The following USH2A variants were observed in gnomAD, a reference collection of about 807,000 sequenced individuals.
USH2A encodes the protein Usher syndrome 2A (autosomal recessive, mild).
In USH2A, 443 loss-of-function variants were observed where a neutral mutation model predicts 538.9. That is an observed-to-expected ratio of 0.82 (90% CI 0.76 to 0.89). The LOEUF is 0.89. Among genes scored for constraint, USH2A ranks in the 40% least tolerant of loss-of-function variants. The pLI is 0.00. For synonymous variants in USH2A, 2,413 were observed against 2,273.5 expected, an observed-to-expected ratio of 1.06 and a Z score of -1.75; for missense variants, 6,633 against 6,324.8, an observed-to-expected ratio of 1.05 and a Z score of -1.65.
intron 15 of USH2A, among the ~76,000 whole-genome samples, chr1:216,210,366 G>T (rs2035213001): frequency 6.6e-6 from 1 of 152,020 alleles, no homozygotes. Flanking sequence ...AGGCACAAGT[G>T]TTTCTTGTTA....
intron 58 of USH2A, among the ~76,000 whole-genome samples, chr1:215,756,610 A>C (rs906048303): frequency 6.6e-6 from 1 of 152,184 alleles, no homozygotes; most frequent in Non-Finnish European, 1.5e-5. Context: ...ACAGCACAAT[A>C]AAAATGCCAA....
intron 30 of USH2A, among the ~76,000 whole-genome samples, chr1:216,057,067 C>A (rs922724538): frequency 4.6e-5 from 7 of 151,988 alleles, no homozygotes; most frequent in Non-Finnish European, 8.8e-5. Flanking sequence ...AACTACGGCT[C>A]AACATGTTAC....
chr1:215,964,185 G>C (rs1267528830), intron 37 of USH2A, among the ~76,000 whole-genome samples: 1 of 152,108 alleles, frequency 6.6e-6, no homozygotes, highest in Non-Finnish European at 1.5e-5. Context: ...TGCCTTGGCG[G>C]AAATAGCTGG....
chr1:215,741,514 T>C lies in USH2A; in HGVS notation c.11572A>G (p.Met3858Val), dbSNP rs974565964. ...QNGSCGVSSR[M>V]FVKTPEAAPM... ...GCTGCTTCAGGTGTTTTGACAAACA[T>C]CCTACTGCTAACTCCACAACTTCCT... Residue 3858 changes from methionine to valine, a missense_variant, in exon 60 of 72, where the codon ATG becomes GTG. Physicochemically the swap from Met to Val is conservative, Grantham distance 21. Transcript: ENST00000307340. The C allele has an allele frequency of 6.2e-7, 1 of 1,613,154 alleles. No homozygotes were observed. Among genetic ancestry groups the C allele is most frequent in the Non-Finnish European group, 8.5e-7 (1 of 1,179,828 alleles).
At chr1:216,027,723 G>A (rs1211739627) in intron 32 of USH2A, among the ~76,000 whole-genome samples, 1 of 152,062 alleles carries the variant, frequency 6.6e-6, no homozygotes, top group Non-Finnish European at 1.5e-5. Flanking sequence ...TTGAAAATCA[G>A]CAGACTAGCT....
At chr1:215,905,882 C>T (rs77807078) in intron 38 of USH2A, among the ~76,000 whole-genome samples, 2,347 of 152,196 alleles carry the variant, frequency 0.015, 26 homozygotes, top group South Asian at 0.032. Flanking sequence ...AGAGAAACTG[C>T]GGCCTTTTAC....
intron 38 of USH2A, among the ~76,000 whole-genome samples, chr1:215,906,513 T>C (rs1665643911): frequency 6.6e-6 from 1 of 152,064 alleles, no homozygotes; most frequent in African/African-American, 2.4e-5. Flanking sequence ...CAGCCTGCTA[T>C]AGTGAATGAT....
intron 27 of USH2A, among the ~76,000 whole-genome samples, chr1:216,073,992 G>A (rs2031661971): frequency 6.6e-6 from 1 of 152,162 alleles, no homozygotes; most frequent in African/African-American, 2.4e-5. Flanking sequence ...AGCATGACAG[G>A]GGCCAGCCTT....
intron 41 of USH2A, among the ~76,000 whole-genome samples, chr1:215,885,504 G>A (rs1049057806): frequency 2.0e-5 from 3 of 151,984 alleles, no homozygotes; most frequent in Non-Finnish European, 4.4e-5. Context: ...CATTTTCTTA[G>A]GTGATTAAAT....
intron 3 of USH2A, among the ~76,000 whole-genome samples, chr1:216,365,627 G>A (rs567530614): frequency 6.6e-6 from 1 of 152,154 alleles, no homozygotes; most frequent in African/African-American, 2.4e-5. Context: ...TCATATTCTA[G>A]ACTAATCAAT....
chr1:215,799,271 T>C, intron 49 of USH2A, 146 bp from the exon 50 acceptor site: 1 of 990,234 alleles, frequency 1.0e-6, no homozygotes, highest in East Asian at 2.6e-5. Context: ...AGTTGCAAAA[T>C]TTCCAAATGA....
intron 27 of USH2A, among the ~76,000 whole-genome samples, chr1:216,074,275 C>T (rs1370193130): frequency 6.6e-6 from 1 of 151,872 alleles, no homozygotes; most frequent in Non-Finnish European, 1.5e-5. Flanking sequence ...GAAAACTGCA[C>T]GAAATTGGGA....
chr1:215,691,794 A>G (rs1361901656), intron 61 of USH2A, among the ~76,000 whole-genome samples: 7 of 152,184 alleles, frequency 4.6e-5, no homozygotes. Flanking sequence ...TATTTGTATT[A>G]TCAGTGAATA....
At chr1:216,030,218 A>G (rs998456679) in intron 32 of USH2A, among the ~76,000 whole-genome samples, 5 of 140,570 alleles carry the variant, frequency 3.6e-5, no homozygotes, top group Non-Finnish European at 7.5e-5. Context: ...CACATATATT[A>G]TATATGATAT....
chr1:215,716,731 T>C (rs949164414), intron 61 of USH2A, among the ~76,000 whole-genome samples: 3 of 152,232 alleles, frequency 2.0e-5, no homozygotes, highest in Non-Finnish European at 2.9e-5. Flanking sequence ...TCAAGTATCA[T>C]ATAAAATGTT....
intron 64 of USH2A, among the ~76,000 whole-genome samples, chr1:215,660,091 G>A (rs868604123): frequency 6.6e-6 from 1 of 152,210 alleles, no homozygotes; most frequent in South Asian, 2.1e-4. Flanking sequence ...GCAATTTGGA[G>A]GTAACTGTTG....
At chr1:215,917,702 G>C (rs1665990937) in intron 38 of USH2A, among the ~76,000 whole-genome samples, 1 of 141,656 alleles carries the variant, frequency 7.1e-6, no homozygotes, top group Non-Finnish European at 1.5e-5. Flanking sequence ...CCAGTATTTT[G>C]GGAGGCTGAG....
intron 47 of USH2A, among the ~76,000 whole-genome samples, chr1:215,818,351 C>T (rs1035113482): frequency 6.6e-6 from 1 of 151,654 alleles, no homozygotes; most frequent in Non-Finnish European, 1.5e-5. Context: ...TTTATAGTCA[C>T]TAACTTATTT....
intron 38 of USH2A, among the ~76,000 whole-genome samples, chr1:215,912,127 T>A (rs1665799050): frequency 6.6e-6 from 1 of 152,024 alleles, no homozygotes; most frequent in African/African-American, 2.4e-5. Flanking sequence ...AGTTGGCAAA[T>A]ACTTTCTTCC....
Sources: gnomAD v4.1 joint callset for allele counts (sites outside exome capture counted in the v4.1 genomes callset) on GRCh38, gnomAD v4.1.1 for gene constraint, MANE v1.5 for transcripts, NCBI Gene and HGNC (gene_info 2026-07-23, HGNC 2026-07-21) for gene names.